The following ALPL variants were observed in gnomAD, a reference collection of about 807,000 sequenced individuals.
The protein encoded by ALPL is alkaline phosphatase, tissue-nonspecific isozyme.
ALPL carries 42 observed loss-of-function variants against 51.3 expected under a neutral mutation model. That is an observed-to-expected ratio of 0.82 (90% CI 0.64 to 1.06). ALPL has a LOEUF of 1.06. Ranked by LOEUF, ALPL falls within the 50% of genes least tolerant of loss-of-function variation. ALPL has a pLI of 0.00. For missense variants in ALPL, 589 were observed against 709.4 expected (o/e 0.83, Z 1.93); for synonymous variants, 279 against 296.4 (o/e 0.94, Z 0.60).
intron 5 of ALPL, 30 bp downstream of exon 5, chr1:21,563,314 C>T (rs1200147305): frequency 6.3e-7 from 1 of 1,595,580 alleles, no homozygotes; most frequent in Admixed American, 1.7e-5. Flanking sequence ...GGGAGCAGGG[C>T]CAGCTTCGTG....
chr1:21,547,203 C>T (rs562178829), intron 1 of ALPL, among the ~76,000 whole-genome samples: 4 of 152,352 alleles, frequency 2.6e-5, no homozygotes, highest in Non-Finnish European at 4.4e-5. Flanking sequence ...GGCCCTCCCC[C>T]GGGGCTCAAA....
chr1:21,554,365 A>G (rs1644370891), intron 2 of ALPL, among the ~76,000 whole-genome samples: 1 of 149,360 alleles, frequency 6.7e-6, no homozygotes, highest in Non-Finnish European at 1.5e-5. Context: ...TATGAAATAT[A>G]TATATACAAG....
Position 21,554,073 on chromosome 1 carries a change from G to C in ALPL, c.-9G>C. 6.2e-7 allele frequency: 1 copy of C among 1,613,210 alleles called. No homozygotes were observed. The highest frequency in any genetic ancestry group is 8.5e-7 in the Non-Finnish European group (1 of 1,179,692). On this transcript the variant is annotated 5_prime_UTR_variant, in exon 2 of 12. Transcript: ENST00000374840. ...GGCTCCAGGGATAAAGCAGGTCTTG[G>C]GGTGCACCATGATTTCACCATTCTT...
At chr1:21,546,868 G>A (rs968849328) in intron 1 of ALPL, among the ~76,000 whole-genome samples, 3 of 152,258 alleles carry the variant, frequency 2.0e-5, no homozygotes, top group African/African-American at 7.2e-5. Context: ...GAGCATGGGT[G>A]CATCCCTCTG....
intron 1 of ALPL, among the ~76,000 whole-genome samples, chr1:21,547,425 C>G (rs909911563): frequency 6.6e-6 from 1 of 152,206 alleles, no homozygotes; most frequent in East Asian, 1.9e-4. Context: ...GTCCCCCATC[C>G]TGGATGTGGT....
intron 1 of ALPL, among the ~76,000 whole-genome samples, chr1:21,519,918 T>G (rs944187408): frequency 6.6e-6 from 1 of 152,180 alleles, no homozygotes; most frequent in African/African-American, 2.4e-5. Context: ...CTAGGCCTTC[T>G]GGAACAAATT....
chr1:21,510,475 G>T (rs562236653), intron 1 of ALPL, among the ~76,000 whole-genome samples: 2 of 152,324 alleles, frequency 1.3e-5, no homozygotes, highest in East Asian at 3.9e-4. Context: ...GGGAGGCAGG[G>T]GTTGGGTCCC....
intron 1 of ALPL, among the ~76,000 whole-genome samples, chr1:21,543,303 T>C (rs928463277): frequency 6.6e-6 from 1 of 152,128 alleles, no homozygotes; most frequent in Non-Finnish European, 1.5e-5. Context: ...AAACCCTTTT[T>C]TTCCCCAACA....
At chr1:21,566,588 G>T (rs572529688) in intron 6 of ALPL, among the ~76,000 whole-genome samples, 3 of 151,838 alleles carry the variant, frequency 2.0e-5, no homozygotes, top group Admixed American at 6.6e-5. Context: ...ATCGCGCCCG[G>T]CCTATTTTAT....
intron 7 of ALPL, 21 bp downstream of exon 7, chr1:21,568,268 G>A (rs1333088195): frequency 6.2e-7 from 1 of 1,613,958 alleles, no homozygotes; most frequent in Non-Finnish European, 8.5e-7. Context: ...CTGGGGCCAT[G>A]TGGCTGCAGA....
At chr1:21,558,997 G>A (rs1363721785) in intron 2 of ALPL, among the ~76,000 whole-genome samples, 2 of 152,170 alleles carry the variant, frequency 1.3e-5, no homozygotes, top group Non-Finnish European at 2.9e-5. Context: ...TGTGTGGGGG[G>A]TCCCTGGCAT....
At chr1:21,558,697 G>A (rs1325954792) in intron 2 of ALPL, among the ~76,000 whole-genome samples, 1 of 152,172 alleles carries the variant, frequency 6.6e-6, no homozygotes, top group Non-Finnish European at 1.5e-5. Flanking sequence ...TGGACCTGGG[G>A]CTGTCGGGAT....
chr1:21,559,090 C>G (rs1202260596), intron 2 of ALPL, among the ~76,000 whole-genome samples: 1 of 152,140 alleles, frequency 6.6e-6, no homozygotes, highest in East Asian at 1.9e-4. Context: ...CGCGTCGGAG[C>G]TGGGCCAAAA....
At chr1:21,525,660 TCA>T (rs1394343462) in intron 1 of ALPL, among the ~76,000 whole-genome samples, 2 of 152,326 alleles carry the variant, frequency 1.3e-5, no homozygotes, top group East Asian at 3.9e-4. Flanking sequence ...GGTGCTGGAA[TCA>T]CAGATGGATC....
At chr1:21,554,394 G>A in intron 2 of ALPL, among the ~76,000 whole-genome samples, 1 of 141,754 alleles carries the variant, frequency 7.1e-6, no homozygotes. Flanking sequence ...ATATATACAA[G>A]GAAATATATA....
chr1:21,550,134 C>G (rs185900640), intron 1 of ALPL, among the ~76,000 whole-genome samples: 1 of 152,128 alleles, frequency 6.6e-6, no homozygotes, highest in Non-Finnish European at 1.5e-5. Flanking sequence ...CTATAAAGAA[C>G]GCAAGAGAGA....
intron 1 of ALPL, among the ~76,000 whole-genome samples, chr1:21,513,787 G>A (rs1322963227): frequency 1.3e-5 from 2 of 152,176 alleles, no homozygotes; most frequent in Non-Finnish European, 2.9e-5. Flanking sequence ...AGGATTTCTG[G>A]CTTCTCTTGA....
chr1:21,549,015 A>C (rs890957336), intron 1 of ALPL, among the ~76,000 whole-genome samples: 8 of 152,124 alleles, frequency 5.3e-5, no homozygotes, highest in African/African-American at 1.9e-4. Flanking sequence ...CTCCTTACTA[A>C]TTCATTTCCC....
At chr1:21,565,376 A>G (rs767287783) in intron 6 of ALPL, among the ~76,000 whole-genome samples, 1 of 152,002 alleles carries the variant, frequency 6.6e-6, no homozygotes, top group African/African-American at 2.4e-5. Context: ...TCCCCTCCCT[A>G]TGCCTCAGTT....
Sources: gnomAD v4.1 joint callset for allele counts (sites outside exome capture counted in the v4.1 genomes callset) on GRCh38, gnomAD v4.1.1 for gene constraint, MANE v1.5 for transcripts, NCBI Gene and HGNC (gene_info 2026-07-23, HGNC 2026-07-21) for gene names.